TPCN1: variants seen among roughly 807,000 people sequenced by gnomAD.
The protein encoded by TPCN1 is two pore channel protein 1.
In TPCN1, 52 loss-of-function variants were observed where a neutral mutation model predicts 108.8. The ratio of observed to expected loss-of-function variants is 0.48; its 90% CI spans 0.38 to 0.60. The LOEUF (loss-of-function observed/expected upper bound fraction) is 0.60, where lower values mean the gene tolerates loss of function less well. TPCN1 is among the 20% of genes least tolerant of loss of function. The pLI is 0.00. For missense variants in TPCN1, 806 were observed against 1,072.8 expected, an observed-to-expected ratio of 0.75 and a Z score of 3.47; for synonymous variants, 446 against 433.7, an observed-to-expected ratio of 1.03 and a Z score of -0.35.
chr12:113,247,880 C>T (rs1048961423), intron 2 of TPCN1, among the ~76,000 whole-genome samples: 2 of 152,182 alleles, frequency 1.3e-5, no homozygotes, highest in African/African-American at 4.8e-5. Context: ...CCTTTTGGGA[C>T]CACATGAGCA....
At position 113,266,161 on chromosome 12, in the gene TPCN1, A is replaced by G. The variant is rs567169878; in HGVS notation, c.238-19A>G. On this transcript the variant is annotated intron_variant, in intron 3 of 27. Coordinates refer to ENST00000335509, the MANE Select transcript of TPCN1 (RefSeq NM_017901.6). The surrounding 1 kb of genome is among the most constrained non-coding windows in gnomAD (Gnocchi z 4.2). ...TGGGTCTCCAGGCTTACATGCCCAC[A>G]CTACTCTCATCTTTTCAGGAAGGCG... 3.7e-6 allele frequency: 6 copies of G among 1,613,216 alleles called. No individual in the cohort carries two copies. Among genetic ancestry groups the G allele is most frequent in the East Asian group, 2.2e-5 (1 of 44,868 alleles).
At chr12:113,260,539 G>T in intron 3 of TPCN1, 47 bp downstream of exon 3, 1 of 1,542,836 alleles carries the variant, frequency 6.5e-7, no homozygotes, top group Non-Finnish European at 8.7e-7. Context: ...ACCTGTTGGT[G>T]GGGTGGGGCA....
intron 22 of TPCN1, 80 bp downstream of exon 22, chr12:113,290,323 G>A (rs1216240030): frequency 2.0e-6 from 2 of 1,013,346 alleles, no homozygotes; most frequent in Non-Finnish European, 3.0e-6. Flanking sequence ...TCCCAGAGGT[G>A]GTGTAGCAAG....
intron 2 of TPCN1, among the ~76,000 whole-genome samples, chr12:113,250,347 A>G (rs1271639994): frequency 1.3e-5 from 2 of 152,160 alleles, no homozygotes; most frequent in African/African-American, 4.8e-5. Context: ...GTCACCATAT[A>G]CCTGTAAACA....
chr12:113,296,013 C>A lies in TPCN1; in HGVS notation c.2388C>A (p.Ser796Arg). ...AAGAGCAGCAGCGACAACTCAGCAG[C>A]AGTGCAGCCCCCGCCGCCCAGCAGC... Reference protein sequence around the residue: ...REQEQQRQLSSSAAPAAQQPP... With the variant: ...REQEQQRQLSRSAAPAAQQPP... Residue 796 changes from serine (S) to arginine (R), a missense_variant, in exon 28 of 28, where the codon AGC becomes AGA. By Grantham distance (110) the Ser-to-Arg change is moderately radical. Transcript: ENST00000335509. 1 of 1,613,026 alleles carries A rather than the reference C, an allele frequency of 6.2e-7. No homozygotes were observed. Among genetic ancestry groups the A allele is most frequent in the Non-Finnish European group, 8.5e-7 (1 of 1,179,812 alleles).
intron 1 of TPCN1, among the ~76,000 whole-genome samples, chr12:113,226,476 T>A (rs1252983430): frequency 6.6e-6 from 1 of 151,926 alleles, no homozygotes; most frequent in Non-Finnish European, 1.5e-5. Context: ...GAGATGGGGT[T>A]TTGCTATGTT....
At chr12:113,286,044 G>C in intron 18 of TPCN1, 83 bp downstream of exon 18, 1 of 1,260,462 alleles carries the variant, frequency 7.9e-7, no homozygotes, top group Non-Finnish European at 1.2e-6. Context: ...CTGATCCCGG[G>C]CCATTTCTGG....
rs1305662298 is a variant in TPCN1 at position 113,288,244 on chromosome 12, G to A, written c.1706+10G>A. ...TGCCCCGGATGGCCAGGTACTGCCA[G>A]CCCCCACCCTGGCCTGCAGGTCCAG... On this transcript the variant is annotated intron_variant, in intron 20 of 27. Coordinates refer to ENST00000335509, the MANE Select transcript of TPCN1 (RefSeq NM_017901.6). This position sits in a 1 kb window ranked among gnomAD's most constrained non-coding sequence, Gnocchi z 4.8. 2 of 1,613,656 alleles carry A rather than the reference G, an allele frequency of 1.2e-6. No individual in the cohort carries two copies. Among genetic ancestry groups the A allele is most frequent in the Non-Finnish European group, 1.7e-6 (2 of 1,179,928 alleles).
intron 1 of TPCN1, chr12:113,225,296 C>T (rs1298406485): frequency 2.2e-6 from 1 of 449,640 alleles, no homozygotes; most frequent in Non-Finnish European, 4.5e-6. Context: ...TAGGCTCAAG[C>T]AGTTCTCCCA....
At chr12:113,240,043 T>C (rs1954049197) in intron 2 of TPCN1, among the ~76,000 whole-genome samples, 1 of 152,132 alleles carries the variant, frequency 6.6e-6, no homozygotes, top group South Asian at 2.1e-4. Flanking sequence ...GCCTCTCTTC[T>C]TGCGGGCTCG....
chr12:113,292,275 CCTT>C (rs928568666), intron 25 of TPCN1: 18 of 357,786 alleles, frequency 5.0e-5, no homozygotes, highest in Non-Finnish European at 7.7e-5. Flanking sequence ...AGAGGCTTCT[CCTT>C]CTTGGCTATT....
At chr12:113,227,601 T>G (rs1389677996) in intron 2 of TPCN1, among the ~76,000 whole-genome samples, 2 of 152,202 alleles carry the variant, frequency 1.3e-5, no homozygotes, top group Non-Finnish European at 2.9e-5. Flanking sequence ...AAAACCTTTC[T>G]GGTTCTCATC....
rs1025535506 is a variant in TPCN1 at position 113,296,063 on chromosome 12, A to G, written c.2438A>G (p.Gln813Arg). ...QQPPGSRQRS[Q>R]TVT ...CCCCCAGGCAGCCGCCAGCGCTCCC[A>G]GACCGTTACCTAGCCCAGCGCCCGA... Residue 813 changes from glutamine (Q) to arginine (R), a missense_variant, in exon 28 of 28, where the codon CAG (glutamine) becomes CGG (arginine). Transcript: ENST00000335509. 3 of 1,613,012 alleles carry G rather than the reference A, an allele frequency of 1.9e-6. No individual in the cohort carries two copies. In the African/African-American group the frequency reaches 4.0e-5, roughly 22 times the overall value.
chr12:113,270,404 G>A (rs774129356), intron 7 of TPCN1, among the ~76,000 whole-genome samples: 8 of 152,100 alleles, frequency 5.3e-5, no homozygotes, highest in South Asian at 4.1e-4. Context: ...TGATCCATAG[G>A]TGGTGCCTTC....
Position 113,245,609 on chromosome 12 carries a change from A to G in TPCN1, c.113-14759A>G, listed in dbSNP as rs1162651425. Among the ~76,000 whole-genome samples, 3 of 120,520 alleles carry G rather than the reference A, an allele frequency of 2.5e-5. 1 individual carries two copies. The highest frequency in any genetic ancestry group is 1.1e-4 in the African/African-American group (3 of 28,506). The allele number at this position is 120,520 out of a possible 152,430, so 79.1% of individuals were successfully genotyped here. On this transcript the variant is annotated intron_variant, in intron 2 of 27. Coordinates refer to ENST00000335509, the MANE Select transcript of TPCN1 (RefSeq NM_017901.6). ...GAGCAAGACTCCGTCTCAAAAAAAA[A>G]AAAAAAAAAAAAGAAAAGAAAAGGG... is the stretch of plus-strand genomic sequence containing the variant.
chr12:113,245,849 C>G (rs1029816434), intron 2 of TPCN1: 7 of 419,266 alleles, frequency 1.7e-5, no homozygotes, highest in Non-Finnish European at 3.4e-5. Context: ...CTTTCCTGCT[C>G]CTCCCCAGTG....
At position 113,296,150 on chromosome 12, in the gene TPCN1, G is replaced by A; in HGVS notation, c.*74G>A. ...CTCTACTGCGATGTACGGAACTGCG[G>A]TGTGTGTACACATACTCACGTATAT... On this transcript the variant is annotated 3_prime_UTR_variant, in exon 28 of 28. Transcript: ENST00000335509. 6.4e-7 allele frequency: 1 copy of A among 1,570,476 alleles called. No individual in the cohort carries two copies. Among genetic ancestry groups the A allele is most frequent in the Non-Finnish European group, 8.7e-7 (1 of 1,150,458 alleles).
In TPCN1 at chr12:113,289,550, G is replaced by T. The variant is rs1411921044; in HGVS notation, c.1797-578G>T. ...AGTGCAAGCTCCAGACCTCACTCTT[G>T]TGTCTGATGCATGCGTGTGGGAGGA... is the stretch of plus-strand genomic sequence containing the variant. On this transcript the variant is annotated intron_variant, in intron 21 of 27. Transcript: ENST00000335509. The surrounding 1 kb of genome is among the most constrained non-coding windows in gnomAD (Gnocchi z 4.1). 6.6e-6 allele frequency among the ~76,000 whole-genome samples: 1 copy of T among 152,212 alleles called. No homozygotes were observed.
intron 2 of TPCN1, among the ~76,000 whole-genome samples, chr12:113,255,391 A>T (rs1954795533): frequency 6.6e-6 from 1 of 152,222 alleles, no homozygotes; most frequent in Admixed American, 6.5e-5. Context: ...AAGAAAATTT[A>T]AAAAGATCAA....
Sources: gnomAD v4.1 joint callset for allele counts (sites outside exome capture counted in the v4.1 genomes callset) on GRCh38, gnomAD v4.1.1 for gene constraint, Gnocchi (gnomAD v3.1) non-coding constraint, MANE v1.5 for transcripts, NCBI Gene and HGNC (gene_info 2026-07-23, HGNC 2026-07-21) for gene names.